The following ZFP90 variants were observed in gnomAD, a reference collection of about 807,000 sequenced individuals.
ZFP90 encodes the protein ZFP90 zinc finger protein.
A neutral mutation model predicts 60.8 loss-of-function variants in ZFP90; 38 were observed. That is an observed-to-expected ratio of 0.62 (90% confidence interval 0.48 to 0.82). The LOEUF is 0.82. Among genes scored for constraint, ZFP90 ranks in the 40% least tolerant of loss-of-function variants. ZFP90 has a pLI of 0.00. For synonymous variants in ZFP90, 287 were observed against 264.8 expected, an observed-to-expected ratio of 1.08 and a Z score of -0.82; for missense variants, 711 against 759.1, an observed-to-expected ratio of 0.94 and a Z score of 0.74.
chr16:68,575,155 TG>T (rs2091587665), intron 2 of ZFP90, among the ~76,000 whole-genome samples: 1 of 152,194 alleles, frequency 6.6e-6, no homozygotes. Context: ...TGTCCCCACC[TG>T]GGCCTCCCTT....
At position 68,565,546 on chromosome 16, in the gene ZFP90, C is replaced by CT; in HGVS notation, c.*852dup. 1 of 985,522 alleles carries CT rather than the reference C, an allele frequency of 1.0e-6. No individual in the cohort carries two copies. The highest frequency in any genetic ancestry group is 1.2e-6 in the Non-Finnish European group (1 of 829,918). The allele number at this position is 985,522 out of a possible 1,614,324, so 61.0% of individuals were successfully genotyped here. A position where few individuals can be genotyped will look rare whatever the true frequency, so the allele number is the denominator to read the frequency against. ...TTGAACTACTAGTGACTTTTTTCCC[C>CT]TTTTCCCAGTTACAATTATACTTTC... On this transcript the variant is annotated 3_prime_UTR_variant, in exon 5 of 5. Coordinates refer to ENST00000563169, the MANE Select transcript of ZFP90 (RefSeq NM_001305203.2).
chr16:68,547,197 G>A (rs1021138866), intron 2 of ZFP90, among the ~76,000 whole-genome samples: 1 of 152,172 alleles, frequency 6.6e-6, no homozygotes, highest in Non-Finnish European at 1.5e-5. Flanking sequence ...TGTTTCCATA[G>A]CAGCTGTATC....
chr16:68,557,324 A>T (rs554214302), intron 2 of ZFP90: 1 of 453,438 alleles, frequency 2.2e-6, no homozygotes, highest in African/African-American at 2.0e-5. Flanking sequence ...GTCGCATTTT[A>T]TTATTAATAC....
At chr16:68,557,386 G>C in intron 2 of ZFP90, 1 of 416,498 alleles carries the variant, frequency 2.4e-6, no homozygotes, top group South Asian at 1.7e-5. Flanking sequence ...CAGGTGTACT[G>C]TGGAGTACTA....
At chr16:68,568,388 C>G (rs1338392493), downstream of ZFP90, among the ~76,000 whole-genome samples, 1 of 152,168 alleles carries the variant, frequency 6.6e-6, no homozygotes, top group African/African-American at 2.4e-5. Flanking sequence ...ACCAATTAGG[C>G]TGGCAAAAAT....
rs537599063 is a variant in ZFP90, at chr16:68,558,669, C to A, written c.256+101C>A. 12 of 1,033,128 alleles carry A rather than the reference C, an allele frequency of 1.2e-5. No homozygotes were observed. The African/African-American group carries it at 1.7e-4, about 15-fold the overall frequency. 64.0% of individuals were successfully genotyped at this position (1,033,128 alleles called of 1,614,324 possible). A position where few individuals can be genotyped will look rare whatever the true frequency, so the allele number is the denominator to read the frequency against. On this transcript the variant is annotated intron_variant, in intron 4 of 4. Coordinates refer to ENST00000563169, the MANE Select transcript of ZFP90 (RefSeq NM_001305203.2). ...GCAGCTGGCTTGCGATCTCCTAGAT[C>A]TGCATAGGAGGCTGAAGCCATCGCC... is the stretch of plus-strand genomic sequence containing the variant.
chr16:68,565,417 T>G lies in ZFP90; in HGVS notation c.*719T>G. 1.0e-6 allele frequency: 1 copy of G among 985,610 alleles called. No individual in the cohort carries two copies. The highest frequency in any genetic ancestry group is 1.2e-6 in the Non-Finnish European group (1 of 829,938). 61.1% of individuals were successfully genotyped at this position (985,610 alleles called of 1,614,324 possible). On this transcript the variant is annotated 3_prime_UTR_variant, in exon 5 of 5. Transcript: ENST00000563169. ...TATGGGTTGGACACTTTGAGAATTC[T>G]TAAAAGTATAAGTGGGAGCAAAATG...
At position 68,564,610 on chromosome 16, in the gene ZFP90, C is replaced by G; in HGVS notation, c.1823C>G (p.Pro608Arg). The change falls in exon 5 of 5, where the codon CCC becomes CGC. Residue 608 changes from proline to arginine, a missense_variant. Physicochemically the swap from Pro to Arg is moderately radical, Grantham distance 103 (BLOSUM62 -2). Coordinates refer to ENST00000563169, the MANE Select transcript of ZFP90 (RefSeq NM_001305203.2). ...CAGAGAATTCATACTGGAGAAAAAC[C>G]CTATTCTTGTAAGGAATGTGGGAAA... ...DHQRIHTGEK[P>R]YSCKECGKNF... 6.2e-7 allele frequency: 1 copy of G among 1,614,042 alleles called. No individual in the cohort carries two copies. The highest frequency in any genetic ancestry group is 2.2e-5 in the East Asian group (1 of 44,864).
chr16:68,554,255 G>A (rs1006561527), intron 2 of ZFP90, among the ~76,000 whole-genome samples: 2 of 151,888 alleles, frequency 1.3e-5, no homozygotes, highest in African/African-American at 4.8e-5. Context: ...CCGAGTAGAT[G>A]GGATTACAGG....
chr16:68,570,608 T>TA (rs1229784558), downstream of ZFP90, among the ~76,000 whole-genome samples: 3 of 152,228 alleles, frequency 2.0e-5, no homozygotes, highest in Non-Finnish European at 4.4e-5. Context: ...GGGAGGGTCT[T>TA]ACGCTAATGA....
upstream of ZFP90, among the ~76,000 whole-genome samples, chr16:68,536,233 A>T (rs1478788612): frequency 2.6e-5 from 4 of 152,136 alleles, no homozygotes; most frequent in East Asian, 7.7e-4. Flanking sequence ...TCTTTCTCAC[A>T]TTCATCTTGC....
rs1231831460 is a variant in ZFP90, at chr16:68,563,974, G to A, written c.1187G>A (p.Cys396Tyr). 1.2e-6 allele frequency: 2 copies of A among 1,614,090 alleles called. No individual in the cohort carries two copies. Among genetic ancestry groups the A allele is most frequent in the Non-Finnish European group, 8.5e-7 (1 of 1,180,008 alleles). ...CATACTGGAGAGAAACCTTTTGAAT[G>A]TAGCATATGTGGGAGGGCTTTTGGT... is the stretch of plus-strand genomic sequence containing the variant. ...RTHTGEKPFE[C>Y]SICGRAFGQS... The change falls in exon 5 of 5, where the codon TGT becomes TAT. Residue 396 changes from cysteine to tyrosine, a missense_variant. Physicochemically the swap from Cys to Tyr is radical, Grantham distance 194 (BLOSUM62 -2). Around this residue, in one of 5 missense-constraint regions of ZFP90, gnomAD observed 146 missense variants for 201.4 expected, o/e 0.73. Coordinates refer to ENST00000563169, the MANE Select transcript of ZFP90 (RefSeq NM_001305203.2).
upstream of ZFP90, among the ~76,000 whole-genome samples, chr16:68,537,849 T>C (rs891339204): frequency 6.6e-6 from 1 of 152,180 alleles, no homozygotes; most frequent in Non-Finnish European, 1.5e-5. Flanking sequence ...TCATTACTTG[T>C]TAGCCCCTTG....
chr16:68,563,495 G>A lies in ZFP90; in HGVS notation c.708G>A (p.Glu236=), dbSNP rs766956388. Residue 236 remains glutamate (E), a synonymous_variant, in exon 5 of 5, where the codon GAG becomes GAA. Transcript: ENST00000563169. ...AACATGAGAAAACACATAAAGGAGA[G>A]GGAGCTTTCCCTAATGGAACAGATC... ...LTKHEKTHKG[E]GAFPNGTDQG... is the part of the protein sequence containing the mutation. 2 of 1,614,176 alleles carry A rather than the reference G, an allele frequency of 1.2e-6. No homozygotes were observed. Among genetic ancestry groups the A allele is most frequent in the South Asian group, 2.2e-5 (2 of 91,082 alleles).
intron 2 of ZFP90, among the ~76,000 whole-genome samples, chr16:68,552,083 T>G (rs1197912901): frequency 6.6e-6 from 1 of 151,758 alleles, no homozygotes; most frequent in African/African-American, 2.4e-5. Flanking sequence ...TTAAAAGGGG[T>G]TGATGATGAA....
downstream of ZFP90, among the ~76,000 whole-genome samples, chr16:68,569,383 T>TGTC (rs1481432726): frequency 1.3e-5 from 2 of 150,672 alleles, no homozygotes; most frequent in Admixed American, 1.3e-4. Flanking sequence ...GATCTGCCTG[T>TGTC]GTCGGCCTCC....
intron 2 of ZFP90, among the ~76,000 whole-genome samples, chr16:68,549,214 G>A (rs1344914534): frequency 6.6e-6 from 1 of 152,118 alleles, no homozygotes; most frequent in Non-Finnish European, 1.5e-5. Flanking sequence ...TTGCCTAGCA[G>A]CGAGTGTTCA....
At chr16:68,543,405 A>AT (rs2091087967) in intron 2 of ZFP90, among the ~76,000 whole-genome samples, 4 of 152,150 alleles carry the variant, frequency 2.6e-5, no homozygotes, top group Admixed American at 2.6e-4. Flanking sequence ...TAGTTAACAA[A>AT]TTCCTGAACT....
chr16:68,573,941 C>T (rs1046741112), intron 2 of ZFP90: 6 of 152,160 alleles, frequency 3.9e-5, no homozygotes, highest in African/African-American at 7.2e-5. Flanking sequence ...GCTGAGTTTT[C>T]GCTTCCTTCT....
Sources: gnomAD v4.1 joint callset for allele counts (sites outside exome capture counted in the v4.1 genomes callset) on GRCh38, gnomAD v4.1.1 for gene constraint, gnomAD v4.1.1 regional missense constraint, MANE v1.5 for transcripts, NCBI Gene and HGNC (gene_info 2026-07-23, HGNC 2026-07-21) for gene names.